The following FABP7 variants were observed in gnomAD, a reference collection of about 807,000 sequenced individuals.
FABP7 encodes the protein fatty acid-binding protein, brain.
A neutral mutation model predicts 14.2 loss-of-function variants in FABP7; 13 were observed. That is an observed-to-expected ratio of 0.91 (90% CI 0.59 to 1.45). FABP7 has a LOEUF of 1.45. FABP7 is among the 40% of genes most tolerant of loss of function. The pLI is 0.00. For synonymous variants in FABP7, 49 were observed against 51.4 expected, an observed-to-expected ratio of 0.95 and a Z score of 0.20; for missense variants, 149 against 157.6, an observed-to-expected ratio of 0.95 and a Z score of 0.29.
Position 122,779,759 on chromosome 6 carries a change from C to A in FABP7, c.-36C>A. The A allele has an allele frequency of 1.2e-6, 2 of 1,606,234 alleles. No individual in the cohort carries two copies. Among genetic ancestry groups the A allele is most frequent in the African/African-American group, 2.7e-5 (2 of 74,874 alleles). On this transcript the variant is annotated 5_prime_UTR_variant, in exon 1 of 4. Transcript: ENST00000368444. Reference sequence around the variant, plus strand: ...TGCAGTGGCAATTAGACCAGAAGATCCCCGCTCCTGTCTCTAAAGAGGGGA... The same window carrying A: ...TGCAGTGGCAATTAGACCAGAAGATACCCGCTCCTGTCTCTAAAGAGGGGA...
At chr6:122,782,940 TC>T (rs1300170905) in intron 3 of FABP7, 34 of 985,222 alleles carry the variant, frequency 3.5e-5, no homozygotes, top group Non-Finnish European at 4.1e-5. Flanking sequence ...CTCCATTTTT[TC>T]CCAGAACACA....
At chr6:122,763,633 C>G in the FABP7 span, among the ~76,000 whole-genome samples, 1 of 152,186 alleles carries the variant, frequency 6.6e-6, no homozygotes, top group Non-Finnish European at 1.5e-5. Flanking sequence ...TTTTTGCAAT[C>G]TACCCATCTG....
the FABP7 span, among the ~76,000 whole-genome samples, chr6:122,749,479 T>C: frequency 6.6e-6 from 1 of 152,216 alleles, no homozygotes; most frequent in Non-Finnish European, 1.5e-5. Flanking sequence ...AATATTTCCA[T>C]ATTAGGAAAA....
At chr6:122,750,256 T>G in the FABP7 span, among the ~76,000 whole-genome samples, 1 of 152,160 alleles carries the variant, frequency 6.6e-6, no homozygotes, top group Non-Finnish European at 1.5e-5. Context: ...TTTGATGAAA[T>G]AGTATTCAAG....
the FABP7 span, among the ~76,000 whole-genome samples, chr6:122,750,620 G>T: frequency 3.9e-5 from 6 of 152,270 alleles, no homozygotes; most frequent in East Asian, 9.7e-4. Context: ...GCAAGGTAGG[G>T]AGATAAGACA....
At chr6:122,776,655 A>T (rs1780678108), upstream of FABP7, among the ~76,000 whole-genome samples, 1 of 152,212 alleles carries the variant, frequency 6.6e-6, no homozygotes, top group South Asian at 2.1e-4. Context: ...TTTTCAAAAT[A>T]GCTAGAAAAG....
Position 122,779,788 on chromosome 6 carries a change from G to A in FABP7, c.-7G>A. 1 of 1,614,054 alleles carries A rather than the reference G, an allele frequency of 6.2e-7. No individual in the cohort carries two copies. Among genetic ancestry groups the A allele is most frequent in the Non-Finnish European group, 8.5e-7 (1 of 1,179,990 alleles). ...GCTCCTGTCTCTAAAGAGGGGAAAGGGCAAGGATGGTGGAGGCTTTCTGTG... is the reference window on the plus strand; with the variant it reads ...GCTCCTGTCTCTAAAGAGGGGAAAGAGCAAGGATGGTGGAGGCTTTCTGTG... On this transcript the variant is annotated 5_prime_UTR_variant, in exon 1 of 4. Coordinates refer to ENST00000368444, the MANE Select transcript of FABP7 (RefSeq NM_001446.5).
At chr6:122,767,108 T>C in the FABP7 span, among the ~76,000 whole-genome samples, 2 of 152,088 alleles carry the variant, frequency 1.3e-5, no homozygotes, top group African/African-American at 4.8e-5. Context: ...GCAATATTAA[T>C]GACTACATAT....
At chr6:122,764,120 G>A in the FABP7 span, among the ~76,000 whole-genome samples, 62 of 152,218 alleles carry the variant, frequency 4.1e-4, no homozygotes, top group Non-Finnish European at 5.9e-4. Flanking sequence ...TCACAATAGC[G>A]AAGACTTGGA....
chr6:122,753,482 TC>T, the FABP7 span, among the ~76,000 whole-genome samples: 5 of 152,076 alleles, frequency 3.3e-5, no homozygotes, highest in African/African-American at 1.2e-4. Context: ...GTCTGCCTCC[TC>T]CCCAAGTTCT....
chr6:122,769,801 G>A, the FABP7 span, among the ~76,000 whole-genome samples: 2 of 152,022 alleles, frequency 1.3e-5, no homozygotes, highest in African/African-American at 4.8e-5. Context: ...CAAAAATAGT[G>A]TAATCCTAAT....
At chr6:122,751,512 C>G in the FABP7 span, among the ~76,000 whole-genome samples, 1 of 152,222 alleles carries the variant, frequency 6.6e-6, no homozygotes, top group Non-Finnish European at 1.5e-5. Context: ...CTACCACATC[C>G]TGTCTAAAAG....
chr6:122,770,200 G>A, the FABP7 span, among the ~76,000 whole-genome samples: 6 of 152,016 alleles, frequency 3.9e-5, no homozygotes, highest in Non-Finnish European at 7.4e-5. Context: ...AATGTCCTCA[G>A]GCATGTTCCC....
upstream of FABP7, among the ~76,000 whole-genome samples, chr6:122,776,315 T>C (rs900020681): frequency 1.3e-5 from 2 of 152,188 alleles, no homozygotes; most frequent in African/African-American, 4.8e-5. Context: ...ATGTGGTATG[T>C]ATACATAATG....
At chr6:122,767,755 G>GAAAAAAAA in the FABP7 span, among the ~76,000 whole-genome samples, 1 of 116,352 alleles carries the variant, frequency 8.6e-6, no homozygotes. Flanking sequence ...CCACTAAAAG[G>GAAAAAAAA]AAAAAAAAAA....
chr6:122,781,270 TCCC>T, intron 3 of FABP7, 76 bp downstream of exon 3: 2 of 1,571,570 alleles, frequency 1.3e-6, no homozygotes, highest in Non-Finnish European at 1.7e-6. Flanking sequence ...TCCTTCTTCT[TCCC>T]TCCTCCTTCC....
chr6:122,782,283 C>T (rs1034308581), intron 3 of FABP7: 38 of 822,456 alleles, frequency 4.6e-5, no homozygotes, highest in Non-Finnish European at 5.4e-5. Flanking sequence ...TGAATTTTCT[C>T]AGTTCTGAAA....
At chr6:122,768,234 TG>T in the FABP7 span, among the ~76,000 whole-genome samples, 1 of 152,160 alleles carries the variant, frequency 6.6e-6, no homozygotes, top group African/African-American at 2.4e-5. Flanking sequence ...GGGAATATGT[TG>T]ATCCACTGGT....
rs77523294 is a variant in FABP7 at position 122,782,971 on chromosome 6, C to T, written c.349-746C>T. The T allele has an allele frequency of 6.2e-4, 611 of 985,318 alleles. 2 individuals carry two copies. In the African/African-American group the frequency reaches 0.01, roughly 16 times the overall value. 61.0% of individuals were successfully genotyped at this position (985,318 alleles called of 1,614,324 possible). ...AACACAGAAAAGTAGATAGCTCAAC[C>T]GTGGCATGCATGACTATGATCAGGC... On this transcript the variant is annotated intron_variant, in intron 3 of 3. Transcript: ENST00000368444.
Sources: gnomAD v4.1 joint callset for allele counts (sites outside exome capture counted in the v4.1 genomes callset) on GRCh38, gnomAD v4.1.1 for gene constraint, MANE v1.5 for transcripts, NCBI Gene and HGNC (gene_info 2026-07-23, HGNC 2026-07-21) for gene names.